The following CTNNA2 variants were observed in gnomAD, a reference collection of about 807,000 sequenced individuals.
CTNNA2 encodes catenin alpha-2.
CTNNA2 carries 42 observed loss-of-function variants against 101.0 expected under a neutral mutation model. The observed-to-expected ratio is 0.42, with a 90% CI of 0.32 to 0.54. CTNNA2 has a LOEUF of 0.54. CTNNA2 is among the 20% of genes least tolerant of loss of function. The pLI is 0.14. For missense variants in CTNNA2, 871 were observed against 1,223.1 expected (o/e 0.71, Z 4.29); for synonymous variants, 450 against 456.4 (o/e 0.99, Z 0.18).
At chr2:80,642,958 A>G (rs1048731286) in intron 18 of CTNNA2, among the ~76,000 whole-genome samples, 1 of 152,156 alleles carries the variant, frequency 6.6e-6, no homozygotes, top group Non-Finnish European at 1.5e-5. Context: ...GAATAGAGGC[A>G]GGGGAAAAAA....
At chr2:80,346,324 G>A (rs1439382861) in intron 7 of CTNNA2, among the ~76,000 whole-genome samples, 1 of 151,932 alleles carries the variant, frequency 6.6e-6, no homozygotes, top group Non-Finnish European at 1.5e-5. Flanking sequence ...TTTTACTCAT[G>A]GTAGAAGGTG....
chr2:79,721,184 GTCT>G (rs1287795717), intron 2 of CTNNA2, among the ~76,000 whole-genome samples: 2 of 151,994 alleles, frequency 1.3e-5, no homozygotes, highest in African/African-American at 4.8e-5. Flanking sequence ...CTCTGCATAT[GTCT>G]TAGTCTGTTT....
intron 2 of CTNNA2, among the ~76,000 whole-genome samples, chr2:79,715,756 C>T (rs1686054255): frequency 6.6e-6 from 1 of 151,984 alleles, no homozygotes; most frequent in African/African-American, 2.4e-5. Flanking sequence ...AAATATGGAG[C>T]CATTGGACCG....
chr2:80,474,913 A>T (rs530905165), intron 9 of CTNNA2, among the ~76,000 whole-genome samples: 3 of 152,288 alleles, frequency 2.0e-5, no homozygotes, highest in African/African-American at 7.2e-5. Flanking sequence ...TTTGCCATTC[A>T]TCGGAAGGTC....
chr2:80,034,153 TTGAC>T (rs978047457), intron 7 of CTNNA2, among the ~76,000 whole-genome samples: 1 of 151,870 alleles, frequency 6.6e-6, no homozygotes, highest in African/African-American at 2.4e-5. Context: ...AGACCACTGA[TTGAC>T]TGGGAGAAGC....
intron 1 of CTNNA2, among the ~76,000 whole-genome samples, chr2:79,187,322 T>C (rs1335857769): frequency 7.1e-6 from 1 of 141,766 alleles, no homozygotes; most frequent in Non-Finnish European, 1.5e-5. Flanking sequence ...CAGGCTGGAG[T>C]GCAGTGGCAC....
chr2:80,269,912 C>T lies in CTNNA2; in HGVS notation c.1057-123299C>T, dbSNP rs547606529. On this transcript the variant is annotated intron_variant, in intron 7 of 18. Transcript: ENST00000402739. ...TAGCGTTTTCTTAAAGTGTTATGAG[C>T]GCCATTTGAGAAAAGCTGCCAGCAA... 5.3e-5 allele frequency among the ~76,000 whole-genome samples: 8 copies of T among 152,056 alleles called. No homozygotes were observed. The South Asian group carries it at 8.3e-4, about 16-fold the overall frequency.
At chr2:80,094,051 T>G (rs1321659557) in intron 7 of CTNNA2, among the ~76,000 whole-genome samples, 1 of 152,214 alleles carries the variant, frequency 6.6e-6, no homozygotes, top group African/African-American at 2.4e-5. Flanking sequence ...TGCCATTGCT[T>G]TTGGTGTTTT....
intron 7 of CTNNA2, among the ~76,000 whole-genome samples, chr2:80,388,685 G>A (rs1192224961): frequency 6.6e-6 from 1 of 152,198 alleles, no homozygotes; most frequent in Non-Finnish European, 1.5e-5. Context: ...AGCAAAAACA[G>A]GGAATAATTG....
rs70940088 is a variant in CTNNA2 at position 80,569,633 on chromosome 2, G to GTTTTTTTTTTTTTTTTTTT, written c.1742-4521_1742-4503dup. On this transcript the variant is annotated intron_variant, in intron 12 of 18. Coordinates refer to ENST00000402739, the MANE Select transcript of CTNNA2 (RefSeq NM_001282597.3). ...TCAGTATTACTTTTGGGGTATTTAG[G>GTTTTTTTTTTTTTTTTTTT]TTTTTTTTTTTTTTTTTTTTTTTTT... Among the ~76,000 whole-genome samples the GTTTTTTTTTTTTTTTTTTT allele has an allele frequency of 4.8e-3, 249 of 51,716 alleles. 68 individuals carry two copies. The highest frequency in any genetic ancestry group is 6.7e-3 in the Non-Finnish European group (171 of 25,570). 33.9% of individuals were successfully genotyped at this position (51,716 alleles called of 152,430 possible).
At chr2:79,381,685 T>C (rs1678040782) in intron 4 of CTNNA2, among the ~76,000 whole-genome samples, 1 of 152,214 alleles carries the variant, frequency 6.6e-6, no homozygotes, top group South Asian at 2.1e-4. Flanking sequence ...GGTTTCTCTT[T>C]GTTCAGAGGC....
chr2:80,081,751 T>G lies in CTNNA2; in HGVS notation c.1056+171954T>G, dbSNP rs976878349. On this transcript the variant is annotated intron_variant, in intron 7 of 18. Transcript: ENST00000402739. Reference sequence around the variant, plus strand: ...AGACAATCTCTCTCTCTCTCTCTCTTGCTCTCTTTCTCTATTTCTGTGTGT... The same window carrying G: ...AGACAATCTCTCTCTCTCTCTCTCTGGCTCTCTTTCTCTATTTCTGTGTGT... Among the ~76,000 whole-genome samples, 6 of 148,704 alleles carry G rather than the reference T, an allele frequency of 4.0e-5. No individual in the cohort carries two copies. In the East Asian group the frequency reaches 8.1e-4, roughly 20 times the overall value.
chr2:79,935,357 T>G (rs1687713630), intron 7 of CTNNA2, among the ~76,000 whole-genome samples: 1 of 151,910 alleles, frequency 6.6e-6, no homozygotes, highest in Non-Finnish European at 1.5e-5. Context: ...TCTCTCTTTT[T>G]TTTTTTTTAA....
At chr2:79,781,181 C>A (rs34009580) in intron 3 of CTNNA2, among the ~76,000 whole-genome samples, 3,556 of 152,248 alleles carry the variant, frequency 0.023, 147 homozygotes, top group African/African-American at 0.079. Context: ...TCCATGCCTC[C>A]CCTTTTTAGA....
At chr2:80,123,241 C>A (rs978043064) in intron 7 of CTNNA2, among the ~76,000 whole-genome samples, 1 of 152,158 alleles carries the variant, frequency 6.6e-6, no homozygotes, top group Non-Finnish European at 1.5e-5. Context: ...TTATTTTCTG[C>A]AGTTTATGGA....
chr2:79,198,373 C>T (rs1673989777), intron 2 of CTNNA2, among the ~76,000 whole-genome samples: 3 of 152,132 alleles, frequency 2.0e-5, no homozygotes. Context: ...AAATAAACAA[C>T]AAAACAACAT....
chr2:80,612,827 A>T (rs1698574836), intron 17 of CTNNA2: 1 of 151,444 alleles, frequency 6.6e-6, no homozygotes, highest in Admixed American at 6.6e-5. Flanking sequence ...TAATGAAAAA[A>T]ATCTAAAGTG....
intron 9 of CTNNA2, among the ~76,000 whole-genome samples, chr2:80,422,142 CAT>C (rs1396459899): frequency 2.0e-5 from 3 of 152,278 alleles, no homozygotes; most frequent in Non-Finnish European, 4.4e-5. Context: ...CACAGTTACA[CAT>C]ATGTGGGGAG....
intron 3 of CTNNA2, among the ~76,000 whole-genome samples, chr2:79,854,473 A>C (rs1234124183): frequency 6.6e-6 from 1 of 152,242 alleles, no homozygotes; most frequent in South Asian, 2.1e-4. Flanking sequence ...TTGAATAAGC[A>C]CTAGCTCACA....
Sources: gnomAD v4.1 joint callset for allele counts (sites outside exome capture counted in the v4.1 genomes callset) on GRCh38, gnomAD v4.1.1 for gene constraint, MANE v1.5 for transcripts, NCBI Gene and HGNC (gene_info 2026-07-23, HGNC 2026-07-21) for gene names.